Variants in PDE7A observed in about 807,000 individuals in gnomAD.
PDE7A encodes phosphodiesterase 7A, also known as high affinity 3',5'-cyclic-AMP phosphodiesterase 7A.
A neutral mutation model predicts 64.3 loss-of-function variants in PDE7A; 39 were observed. That is an observed-to-expected ratio of 0.61 (90% CI 0.47 to 0.79). The LOEUF (loss-of-function observed/expected upper bound fraction) is 0.79. PDE7A is among the 30% of genes least tolerant of loss of function. PDE7A has a pLI of 0.00. For missense variants in PDE7A, 470 were observed against 582.8 expected (o/e 0.81, Z 1.99); for synonymous variants, 203 against 206.8 (o/e 0.98, Z 0.16).
In PDE7A at chr8:65,724,311, G is replaced by A. The variant is rs368021475; in HGVS notation, c.1106C>T (p.Thr369Met). 3 of 1,612,510 alleles carry A rather than the reference G, an allele frequency of 1.9e-6. No homozygotes were observed. Among genetic ancestry groups the A allele is most frequent in the South Asian group, 1.1e-5 (1 of 91,024 alleles). ...ACTCCACTGCTTGCTTAATTCCCAC[G>A]TCCGACATGGGTTACAAATATCAGC... Reference protein sequence around the residue: ...KCADICNPCRTWELSKQWSEK... With the variant: ...KCADICNPCRMWELSKQWSEK... The change falls in exon 11 of 13, where the codon ACG becomes ATG. Residue 369 changes from threonine (T) to methionine (M), a missense_variant. Thr to Met is a moderately conservative substitution (Grantham distance 81). Coordinates refer to ENST00000401827, the MANE Select transcript of PDE7A (RefSeq NM_001242318.3).
At chr8:65,824,015 C>T (rs559412494) in intron 1 of PDE7A, among the ~76,000 whole-genome samples, 2 of 152,192 alleles carry the variant, frequency 1.3e-5, no homozygotes, top group South Asian at 4.1e-4. Flanking sequence ...CCAATAGAAA[C>T]AACTCACAGA....
intron 1 of PDE7A, among the ~76,000 whole-genome samples, chr8:65,800,342 T>C (rs1443002076): frequency 6.6e-6 from 1 of 152,236 alleles, no homozygotes. Context: ...CTTCCTTAAC[T>C]AATGGCAAAT....
At chr8:65,743,032 G>A (rs1049498641) in intron 5 of PDE7A, among the ~76,000 whole-genome samples, 3 of 152,228 alleles carry the variant, frequency 2.0e-5, no homozygotes, top group African/African-American at 7.2e-5. Flanking sequence ...AACTAGCAGA[G>A]TATGTACTTT....
At position 65,810,195 on chromosome 8, in the gene PDE7A, T is replaced by C. The variant is rs970314099; in HGVS notation, c.139-27352A>G. ...AAAAAGGATGAGTTCCTGTCCTTTG[T>C]AGCGACATGGATGAAGCTGGAAACC... On this transcript the variant is annotated intron_variant, in intron 1 of 12. Coordinates refer to ENST00000401827, the MANE Select transcript of PDE7A (RefSeq NM_001242318.3). 1.1e-4 allele frequency among the ~76,000 whole-genome samples: 16 copies of C among 152,186 alleles called. 1 individual carries two copies. The highest frequency in any genetic ancestry group is 9.2e-4 in the Admixed American group (14 of 15,278).
At chr8:65,790,194 GGGA>G (rs1172237954) in intron 1 of PDE7A, among the ~76,000 whole-genome samples, 1 of 152,272 alleles carries the variant, frequency 6.6e-6, no homozygotes, top group Admixed American at 6.5e-5. Context: ...CTCAAGGGCA[GGGA>G]GGAGGAGCCA....
chr8:65,777,954 G>C (rs1809306580), intron 3 of PDE7A, among the ~76,000 whole-genome samples: 1 of 152,098 alleles, frequency 6.6e-6, no homozygotes, highest in Non-Finnish European at 1.5e-5. Context: ...CCAACTTCTA[G>C]AGATTTCTCA....
intron 1 of PDE7A, among the ~76,000 whole-genome samples, chr8:65,785,813 G>A (rs1809538237): frequency 1.4e-5 from 2 of 145,050 alleles, no homozygotes; most frequent in Admixed American, 1.4e-4. Flanking sequence ...CTCTTTAGGA[G>A]GGGAGTTGAC....
Position 65,718,065 on chromosome 8 carries a change from G to A in PDE7A, c.*1225C>T, listed in dbSNP as rs535663450. ...TCAAAGGGAGGGACAAGAAAACAAT[G>A]CACTTTTTTCAAATCAAAACAAGAA... is the stretch of plus-strand genomic sequence containing the variant. On this transcript the variant is annotated 3_prime_UTR_variant, in exon 13 of 13. Coordinates refer to ENST00000401827, the MANE Select transcript of PDE7A (RefSeq NM_001242318.3). 10 of 152,182 alleles carry A rather than the reference G, an allele frequency of 6.6e-5. No individual in the cohort carries two copies. The highest frequency in any genetic ancestry group is 1.0e-4 in the Non-Finnish European group (7 of 68,024). 9.4% of individuals were successfully genotyped at this position (152,182 alleles called of 1,614,324 possible). A position where few individuals can be genotyped will look rare whatever the true frequency, so the allele number is the denominator to read the frequency against.
At chr8:65,768,100 C>A (rs1295335441) in intron 3 of PDE7A, among the ~76,000 whole-genome samples, 1 of 152,110 alleles carries the variant, frequency 6.6e-6, no homozygotes, top group Non-Finnish European at 1.5e-5. Flanking sequence ...TGGGAGAAAC[C>A]CCTCCACACA....
In PDE7A at chr8:65,719,278, T is replaced by G; in HGVS notation, c.*12A>C. On this transcript the variant is annotated 3_prime_UTR_variant, in exon 13 of 13. Coordinates refer to ENST00000401827, the MANE Select transcript of PDE7A (RefSeq NM_001242318.3). ...ACCTCCAGGAGGCAGTTTGTCCCAC[T>G]GGTTCTGGGGGTTATGATAACCGAT... 6.2e-7 allele frequency: 1 copy of G among 1,600,800 alleles called. No individual in the cohort carries two copies. The highest frequency in any genetic ancestry group is 8.6e-7 in the Non-Finnish European group (1 of 1,167,860).
chr8:65,799,339 G>T (rs1273736142), intron 1 of PDE7A, among the ~76,000 whole-genome samples: 1 of 152,126 alleles, frequency 6.6e-6, no homozygotes, highest in African/African-American at 2.4e-5. Flanking sequence ...CAACAAGAGG[G>T]TTGAGACCAC....
chr8:65,808,553 C>T (rs747810225), intron 1 of PDE7A, among the ~76,000 whole-genome samples: 7 of 152,030 alleles, frequency 4.6e-5, no homozygotes, highest in Admixed American at 2.0e-4. Context: ...CTAGGACTGT[C>T]GAGCTAAACA....
intron 1 of PDE7A, among the ~76,000 whole-genome samples, chr8:65,815,149 A>G (rs1324081668): frequency 9.9e-5 from 15 of 152,222 alleles, no homozygotes; most frequent in African/African-American, 3.4e-4. Context: ...CAATATTTAT[A>G]ATGTATTCAC....
chr8:65,764,007 A>G (rs1242719125), intron 3 of PDE7A, among the ~76,000 whole-genome samples: 3 of 152,244 alleles, frequency 2.0e-5, no homozygotes, highest in Non-Finnish European at 4.4e-5. Context: ...TCTTAAATGT[A>G]GGCACTTATG....
At chr8:65,742,032 A>C (rs1451297948) in intron 5 of PDE7A, among the ~76,000 whole-genome samples, 1 of 152,264 alleles carries the variant, frequency 6.6e-6, no homozygotes. Flanking sequence ...GAGGATTATA[A>C]TACCAGTGAG....
At chr8:65,839,457 T>A (rs1206452608) in intron 1 of PDE7A, among the ~76,000 whole-genome samples, 2 of 151,960 alleles carry the variant, frequency 1.3e-5, no homozygotes, top group African/African-American at 4.8e-5. Context: ...TATCAACATA[T>A]GCTTTATTAT....
chr8:65,752,568 C>T (rs551584264), intron 3 of PDE7A, among the ~76,000 whole-genome samples: 7 of 152,104 alleles, frequency 4.6e-5, no homozygotes, highest in South Asian at 2.1e-4. Context: ...TTTGTATGGC[C>T]GCCCACAGAA....
chr8:65,754,649 A>G (rs1388725973), intron 3 of PDE7A, among the ~76,000 whole-genome samples: 1 of 149,140 alleles, frequency 6.7e-6, no homozygotes, highest in Non-Finnish European at 1.5e-5. Context: ...TTTGTCTTCT[A>G]TATGCCTTGT....
chr8:65,727,433 G>GT (rs1806658111), intron 7 of PDE7A, 132 bp from the exon 8 acceptor site: 3 of 1,323,234 alleles, frequency 2.3e-6, no homozygotes, highest in Non-Finnish European at 3.1e-6. Flanking sequence ...TCCTCAGGTG[G>GT]TTGTTCATTA....
Sources: allele counts gnomAD v4.1 joint callset (sites outside exome capture counted in the v4.1 genomes callset), GRCh38; gene constraint gnomAD v4.1.1; transcripts MANE v1.5; gene names NCBI Gene and HGNC (gene_info 2026-07-23, HGNC 2026-07-21).